SEMA6C: variants seen among roughly 807,000 people sequenced by gnomAD.
The protein encoded by SEMA6C is semaphorin-6C.
SEMA6C carries 37 observed loss-of-function variants against 72.9 expected under a neutral mutation model. The ratio of observed to expected loss-of-function variants is 0.51; its 90% CI spans 0.39 to 0.67. SEMA6C has a LOEUF of 0.67. Ranked by LOEUF, SEMA6C falls within the 30% of genes least tolerant of loss-of-function variation. The pLI is 0.00. For synonymous variants in SEMA6C, 578 were observed against 554.1 expected, an observed-to-expected ratio of 1.04 and a Z score of -0.61; for missense variants, 1,189 against 1,263.6, an observed-to-expected ratio of 0.94 and a Z score of 0.89.
chr1:151,133,245 GC>G lies in SEMA6C; in HGVS notation c.2031del (p.Gln678SerfsTer73). On this transcript the variant is annotated frameshift_variant, in exon 19 of 19. Coordinates refer to ENST00000368914, the MANE Select transcript of SEMA6C (RefSeq NM_030913.6). LOFTEE classifies it low-confidence loss of function (END_TRUNC). This position sits in a 1 kb window ranked among gnomAD's most constrained non-coding sequence, Gnocchi z 5.9. ...PSKDGDAVQT[P>X]QLYTTFLPPP... ...GGCGGCAGGAAGGTGGTGTAGAGCT[GC>G]GGCGTCTGCACCGCGTCCCCGTCCT... 1 of 1,570,972 alleles carries G rather than the reference GC, an allele frequency of 6.4e-7. No individual in the cohort carries two copies. The highest frequency in any genetic ancestry group is 1.8e-5 in the Admixed American group (1 of 56,592).
Position 151,135,564 on chromosome 1 carries a change from AG to A in SEMA6C, c.1433+26del, listed in dbSNP as rs768501705. On this transcript the variant is annotated intron_variant, in intron 14 of 18. Coordinates refer to ENST00000368914, the MANE Select transcript of SEMA6C (RefSeq NM_030913.6). ...ACCTCCCATCCCCTCCCTGCTTTGC[AG>A]GGGGCCTGCCCTCCAAAGGCCTCAC... The A allele has an allele frequency of 1.5e-5, 24 of 1,592,840 alleles. No individual in the cohort carries two copies. In the South Asian group the frequency reaches 2.6e-4, roughly 17 times the overall value.
rs1284777354 is a variant in SEMA6C at position 151,133,588 on chromosome 1, C to T, written c.1760-71G>A. On this transcript the variant is annotated intron_variant, in intron 18 of 18. Transcript: ENST00000368914. This position sits in a 1 kb window ranked among gnomAD's most constrained non-coding sequence, Gnocchi z 5.9. ...TGCGGGGTACCTAGGCCCAGAGGCG[C>T]CGGCAGTTCCCAGGCCTGACATCAT... 6 of 1,438,050 alleles carry T rather than the reference C, an allele frequency of 4.2e-6. No individual in the cohort carries two copies. Among genetic ancestry groups the T allele is most frequent in the Non-Finnish European group, 5.5e-6 (6 of 1,100,578 alleles). 89.1% of individuals were successfully genotyped at this position (1,438,050 alleles called of 1,614,324 possible). A position where few individuals can be genotyped will look rare whatever the true frequency, so the allele number is the denominator to read the frequency against.
chr1:151,138,619 C>A lies in SEMA6C; in HGVS notation c.456+11G>T. ...CAACTCCCATCCTAACCCCCACCCT[C>A]TCTTTTGTACCCCATAGCTGCGGCA... On this transcript the variant is annotated intron_variant, in intron 7 of 18. Transcript: ENST00000368914. 1 of 1,612,526 alleles carries A rather than the reference C, an allele frequency of 6.2e-7. No individual in the cohort carries two copies. The highest frequency in any genetic ancestry group is 1.7e-4 in the Middle Eastern group (1 of 6,056).
rs1176900236 is a variant in SEMA6C, at chr1:151,136,981, G to T, written c.850C>A (p.Arg284=). Residue 284 remains arginine, a synonymous_variant, in exon 11 of 19, where the codon CGG becomes AGG. Transcript: ENST00000368914. ...DRHWTSFLKL[R]LNCSVPGDST... ...TCCCCAGGGACAGAGCAGTTGAGCC[G>T]AAGCTTCAGGAAGGATGTCCAGTGG... The T allele has an allele frequency of 6.2e-7, 1 of 1,614,188 alleles. No homozygotes were observed. The highest frequency in any genetic ancestry group is 8.5e-7 in the Non-Finnish European group (1 of 1,180,036).
At position 151,146,078 on chromosome 1, in the gene SEMA6C, C is replaced by T. The variant is rs1463745908; in HGVS notation, c.-105+355G>A. 1 of 152,172 alleles carries T rather than the reference C, an allele frequency of 6.6e-6. No individual in the cohort carries two copies. The highest frequency in any genetic ancestry group is 2.4e-5 in the African/African-American group (1 of 41,434). 9.4% of individuals were successfully genotyped at this position (152,172 alleles called of 1,614,324 possible). A position where few individuals can be genotyped will look rare whatever the true frequency, so the allele number is the denominator to read the frequency against. The stretch of plus-strand genomic sequence containing the variant: ...GGAGGGTCTAGTTCTCCGTGGGTCT[C>T]GGAGCCCTAGTTTCCTTGCTGGGAA... On this transcript the variant is annotated intron_variant, in intron 1 of 18. Transcript: ENST00000368914. The surrounding 1 kb of genome is among the most constrained non-coding windows in gnomAD (Gnocchi z 4.6).
chr1:151,139,740 G>A, intron 4 of SEMA6C, 39 bp from the exon 5 acceptor site: 5 of 1,547,526 alleles, frequency 3.2e-6, no homozygotes, highest in South Asian at 1.2e-5. Flanking sequence ...GCCTAGTCAA[G>A]GCACCCCACT....
At chr1:151,134,041 C>T in intron 18 of SEMA6C, 2 of 1,524,470 alleles carry the variant, frequency 1.3e-6, no homozygotes, top group East Asian at 2.4e-5. Flanking sequence ...GGGGAAGGGC[C>T]AGGACCCGGA....
rs587620985 is a variant in SEMA6C, at chr1:151,137,007, C to T, written c.824G>A (p.Arg275His). Residue 275 changes from arginine (R) to histidine (H), a missense_variant, in exon 11 of 19, where the codon CGC becomes CAC. Transcript: ENST00000368914. ...AAGCTTCAGGAAGGATGTCCAGTGG[C>T]GGTCCAAGGCCCGAGGCGAGCCGCC... Reference protein sequence around the residue: ...DMGGSPRALDRHWTSFLKLRL... With the variant: ...DMGGSPRALDHHWTSFLKLRL... 6.4e-5 allele frequency: 103 copies of T among 1,614,118 alleles called. No homozygotes were observed. The highest frequency in any genetic ancestry group is 7.5e-5 in the Non-Finnish European group (89 of 1,180,038).
rs202096478 is a variant in SEMA6C at position 151,133,071 on chromosome 1, G to T, written c.2206C>A (p.Arg736=). ...NNAKEGPGRS[R]GGHAAGGPAP... ...GGCCCGCCCGCCGCGTGCCCGCCCC[G>T]TGAGCGGCCCGGACCCTCCTTGGCG... is the stretch of plus-strand genomic sequence containing the variant. The change falls in exon 19 of 19, where the codon CGG becomes AGG. Residue 736 remains arginine (R), a synonymous_variant. Transcript: ENST00000368914. The surrounding 1 kb of genome is among the most constrained non-coding windows in gnomAD (Gnocchi z 5.9). 3.3e-6 allele frequency: 5 copies of T among 1,495,066 alleles called. No homozygotes were observed. The highest frequency in any genetic ancestry group is 2.3e-5 in the Admixed American group (1 of 42,750). 92.6% of individuals were successfully genotyped at this position (1,495,066 alleles called of 1,614,324 possible).
At chr1:151,141,842 C>G (rs938342378) in intron 3 of SEMA6C, among the ~76,000 whole-genome samples, 1 of 151,164 alleles carries the variant, frequency 6.6e-6, no homozygotes, top group African/African-American at 2.4e-5. Context: ...TCACAGAGCA[C>G]TACATCCTGG....
chr1:151,144,187 C>G (rs368540293), intron 2 of SEMA6C, among the ~76,000 whole-genome samples, 198 bp downstream of exon 2: 1 of 152,264 alleles, frequency 6.6e-6, no homozygotes, highest in Admixed American at 6.5e-5. Context: ...GAGAAAGGGA[C>G]GTAGCTTGTC....
intron 3 of SEMA6C, among the ~76,000 whole-genome samples, chr1:151,142,185 C>T (rs1375937999): frequency 1.3e-5 from 2 of 152,020 alleles, no homozygotes; most frequent in Non-Finnish European, 2.9e-5. Context: ...TACAGGCGCC[C>T]GCCACAATGT....
chr1:151,132,613 C>T lies in SEMA6C; in HGVS notation c.2664G>A (p.Arg888=), dbSNP rs929009137. 5 of 1,551,056 alleles carry T rather than the reference C, an allele frequency of 3.2e-6. No homozygotes were observed. The Admixed American group carries it at 7.8e-5, about 24-fold the overall frequency. ...GGGCGCGGCCCCGGTAGCCCTCGGG[C>T]CGGCCCAGGTACAGGAGGTGCTTCC... ...GPGKHLLYLG[R]PEGYRGRALK... Residue 888 remains arginine (R), a synonymous_variant, in exon 19 of 19, where the codon CGG becomes CGA. Coordinates refer to ENST00000368914, the MANE Select transcript of SEMA6C (RefSeq NM_030913.6).
intron 6 of SEMA6C, 115 bp from the exon 7 acceptor site, chr1:151,138,846 A>C: frequency 1.2e-6 from 1 of 817,892 alleles, no homozygotes; most frequent in Non-Finnish European, 2.0e-6. Flanking sequence ...TAATCCTAGC[A>C]CTTTGGGAGG....
In SEMA6C at chr1:151,132,195, A is replaced by C; in HGVS notation, c.*289T>G. On this transcript the variant is annotated 3_prime_UTR_variant, in exon 19 of 19. Coordinates refer to ENST00000368914, the MANE Select transcript of SEMA6C (RefSeq NM_030913.6). Reference sequence around the variant, plus strand: ...GTCTCTGGGGGAGCCCCGAGGGGCGAGTTAAGGCAGCTTGGCTGGAAGGGA... The same window carrying C: ...GTCTCTGGGGGAGCCCCGAGGGGCGCGTTAAGGCAGCTTGGCTGGAAGGGA... 6.9e-7 allele frequency: 1 copy of C among 1,456,104 alleles called. No homozygotes were observed. The highest frequency in any genetic ancestry group is 9.1e-7 in the Non-Finnish European group (1 of 1,096,882). The allele number at this position is 1,456,104 out of a possible 1,614,324, so 90.2% of individuals were successfully genotyped here.
rs1178988711 is a variant in SEMA6C at position 151,133,049 on chromosome 1, C to A, written c.2228G>T (p.Gly743Val). Residue 743 changes from glycine (G) to valine (V), a missense_variant, in exon 19 of 19, where the codon GGG becomes GTG. Around this residue, in one of 2 missense-constraint regions of SEMA6C, gnomAD observed 721 missense variants for 686.2 expected, o/e 1.05. Coordinates refer to ENST00000368914, the MANE Select transcript of SEMA6C (RefSeq NM_030913.6). The surrounding 1 kb of genome is among the most constrained non-coding windows in gnomAD (Gnocchi z 5.9). Reference protein sequence around the residue: ...GRSRGGHAAGGPAPRVLVRPP... With the variant: ...GRSRGGHAAGVPAPRVLVRPP... Reference sequence around the variant, plus strand: ...CCTCACCAGCACGCGGGGCGCGGGCCCGCCCGCCGCGTGCCCGCCCCGTGA... The same window carrying A: ...CCTCACCAGCACGCGGGGCGCGGGCACGCCCGCCGCGTGCCCGCCCCGTGA... 3.5e-6 allele frequency: 5 copies of A among 1,414,184 alleles called. No homozygotes were observed. Among genetic ancestry groups the A allele is most frequent in the Non-Finnish European group, 4.6e-6 (5 of 1,093,554 alleles). The allele number at this position is 1,414,184 out of a possible 1,614,324, so 87.6% of individuals were successfully genotyped here.
chr1:151,135,173 C>A lies in SEMA6C; in HGVS notation c.1570G>T (p.Ala524Ser). The change falls in exon 15 of 19, where the codon GCC becomes TCC. Residue 524 changes from alanine (A) to serine (S), a missense_variant. By Grantham distance (99) the Ala-to-Ser change is moderately conservative. Coordinates refer to ENST00000368914, the MANE Select transcript of SEMA6C (RefSeq NM_030913.6). ...LPLSRCARHGACQRSCLASQD... is the reference protein window; with the variant it reads ...LPLSRCARHGSCQRSCLASQD... ...TCAGGCCCCTCTCACCTCTGACAGG[C>A]CCCATGCCGGGCACACCGGCTGAGA... 2 of 1,613,830 alleles carry A rather than the reference C, an allele frequency of 1.2e-6. No homozygotes were observed. Among genetic ancestry groups the A allele is most frequent in the Non-Finnish European group, 1.7e-6 (2 of 1,179,806 alleles).
In SEMA6C at chr1:151,134,424, G is replaced by A. The variant is rs1681840964; in HGVS notation, c.1736C>T (p.Ser579Phe). The A allele has an allele frequency of 6.3e-7, 1 of 1,597,684 alleles. No individual in the cohort carries two copies. Among genetic ancestry groups the A allele is most frequent in the Non-Finnish European group, 8.5e-7 (1 of 1,171,756 alleles). ...DCQDGATGSQSGPGDSAYGVR... is the reference protein window; with the variant it reads ...DCQDGATGSQFGPGDSAYGVR... ...ACCATAAGCAGAATCCCCAGGGCCA[G>A]ACTGACTCCCAGTAGCTCCATCTAT... Residue 579 changes from serine (S) to phenylalanine (F), a missense_variant, in exon 18 of 19, where the codon TCT (serine) becomes TTT (phenylalanine). Physicochemically the swap from Ser to Phe is radical, Grantham distance 155 (BLOSUM62 -2). This residue lies in a region of SEMA6C where 721 missense variants were observed against 686.2 expected (regional missense o/e 1.05). Coordinates refer to ENST00000368914, the MANE Select transcript of SEMA6C (RefSeq NM_030913.6).
chr1:151,140,720 A>T (rs754839804), intron 3 of SEMA6C, among the ~76,000 whole-genome samples: 3 of 152,162 alleles, frequency 2.0e-5, no homozygotes, highest in Non-Finnish European at 2.9e-5. Flanking sequence ...CTCAGCTGGG[A>T]GCGGTGGCTC....
Sources: gnomAD v4.1 joint callset for allele counts (sites outside exome capture counted in the v4.1 genomes callset) on GRCh38, gnomAD v4.1.1 for gene constraint, gnomAD v4.1.1 regional missense constraint, Gnocchi (gnomAD v3.1) non-coding constraint, MANE v1.5 for transcripts, NCBI Gene and HGNC (gene_info 2026-07-23, HGNC 2026-07-21) for gene names.